EIF2S2: variants seen among roughly 807,000 people sequenced by gnomAD.
EIF2S2 encodes eukaryotic translation initiation factor 2 subunit 2.
Under a neutral mutation model 44.0 loss-of-function variants are expected in EIF2S2, and 4 were observed. The ratio of observed to expected loss-of-function variants is 0.09; its 90% CI spans 0.04 to 0.21. The LOEUF (loss-of-function observed/expected upper bound fraction) is 0.21. EIF2S2 is among the 10% of genes least tolerant of loss of function. The pLI, the probability that EIF2S2 is intolerant of heterozygous loss-of-function variation, is 1.00. For missense variants in EIF2S2, 154 were observed against 392.0 expected (o/e 0.39, Z 5.13); for synonymous variants, 108 against 128.3 (o/e 0.84, Z 1.07).
chr20:34,093,838 G>T, intron 6 of EIF2S2, 107 bp from the exon 7 acceptor site: 2 of 911,344 alleles, frequency 2.2e-6, no homozygotes, highest in Non-Finnish European at 3.3e-6. Context: ...GCTATTAAGT[G>T]AATTTCACTG....
At position 34,090,695 on chromosome 20, in the gene EIF2S2, A is replaced by G. The variant is rs191085021; in HGVS notation, c.741-93T>C. On this transcript the variant is annotated intron_variant, in intron 7 of 8. Coordinates refer to ENST00000374980, the MANE Select transcript of EIF2S2 (RefSeq NM_003908.5). ...TTTAAACTTAATGAACTTAAAATAT[A>G]TTCAGTAGCATAGGATAAACTCTAG... 1.4e-4 allele frequency: 93 copies of G among 678,966 alleles called. No homozygotes were observed. The African/African-American group carries it at 1.6e-3, about 12-fold the overall frequency. The allele number at this position is 678,966 out of a possible 1,614,324, so 42.1% of individuals were successfully genotyped here.
At chr20:34,091,288 G>T (rs750319470) in intron 7 of EIF2S2, among the ~76,000 whole-genome samples, 1 of 152,158 alleles carries the variant, frequency 6.6e-6, no homozygotes, top group African/African-American at 2.4e-5. Flanking sequence ...CAGGAAAGGG[G>T]CTACGTTTGT....
At chr20:34,097,779 A>T (rs2034247625) in intron 4 of EIF2S2, among the ~76,000 whole-genome samples, 1 of 152,086 alleles carries the variant, frequency 6.6e-6, no homozygotes, top group African/African-American at 2.4e-5. Flanking sequence ...TAATTTAACA[A>T]ATCAAAGATA....
intron 2 of EIF2S2, among the ~76,000 whole-genome samples, chr20:34,104,909 T>C (rs982723265): frequency 2.6e-5 from 4 of 152,216 alleles, no homozygotes; most frequent in Non-Finnish European, 4.4e-5. Context: ...ATAGAAACAT[T>C]TCTCTCTAAC....
Position 34,105,418 on chromosome 20 carries a change from G to A in EIF2S2, c.143C>T (p.Pro48Leu). 6.2e-7 allele frequency: 1 copy of A among 1,613,980 alleles called. No homozygotes were observed. Among genetic ancestry groups the A allele is most frequent in the South Asian group, 1.1e-5 (1 of 91,086 alleles). ...PSETKEVEPE[P>L]TEDKDLEADE... ...AGCTTCCAAATCCTTGTCCTCAGTTGGCTCTGGCTCCACTTCTTTTGTTTC... is the reference window on the plus strand; with the variant it reads ...AGCTTCCAAATCCTTGTCCTCAGTTAGCTCTGGCTCCACTTCTTTTGTTTC... Residue 48 changes from proline (P) to leucine (L), a missense_variant, in exon 2 of 9, where the codon CCA (proline) becomes CTA (leucine). Around this residue, in one of 2 missense-constraint regions of EIF2S2, gnomAD observed 134 missense variants for 225.0 expected, o/e 0.60. Transcript: ENST00000374980.
In EIF2S2 at chr20:34,096,663, C is replaced by T; in HGVS notation, c.677G>A (p.Cys226Tyr). 6.3e-7 allele frequency: 1 copy of T among 1,597,880 alleles called. No homozygotes were observed. Among genetic ancestry groups the T allele is most frequent in the Non-Finnish European group, 8.5e-7 (1 of 1,175,248 alleles). ...KTSFVNFTDI[C>Y]KLLHRQPKHL... ...ACTCCATTAACCAACTTACAGTTTA[C>T]AGATATCTGTAAAGTTGACAAAAGA... Residue 226 changes from cysteine (C) to tyrosine (Y), a missense_variant, in exon 6 of 9, where the codon TGT becomes TAT. Cys to Tyr is a radical substitution (Grantham distance 194). This residue lies in a region of EIF2S2 where 20 missense variants were observed against 167.0 expected (regional missense o/e 0.12). Coordinates refer to ENST00000374980, the MANE Select transcript of EIF2S2 (RefSeq NM_003908.5).
Position 34,112,241 on chromosome 20 carries a change from G to C in EIF2S2, c.-131C>G, listed in dbSNP as rs889076719. 2.7e-5 allele frequency: 29 copies of C among 1,055,586 alleles called. No individual in the cohort carries two copies. The African/African-American group carries it at 4.1e-4, about 15-fold the overall frequency. 65.4% of individuals were successfully genotyped at this position (1,055,586 alleles called of 1,614,324 possible). A position where few individuals can be genotyped will look rare whatever the true frequency, so the allele number is the denominator to read the frequency against. On this transcript the variant is annotated 5_prime_UTR_variant, in exon 1 of 9. Coordinates refer to ENST00000374980, the MANE Select transcript of EIF2S2 (RefSeq NM_003908.5). Reference sequence around the variant, plus strand: ...GGCTCTTGCATCAGCGAAAGGAAACGACACCCCGCCCTCTCCTCCAAGCGT... The same window carrying C: ...GGCTCTTGCATCAGCGAAAGGAAACCACACCCCGCCCTCTCCTCCAAGCGT...
intron 4 of EIF2S2, among the ~76,000 whole-genome samples, chr20:34,098,216 A>G (rs1187123888): frequency 5.3e-5 from 8 of 151,614 alleles, no homozygotes; most frequent in Non-Finnish European, 8.8e-5. Context: ...ATTGCACTTC[A>G]GCCTGGGCGA....
intron 5 of EIF2S2, 46 bp downstream of exon 5, chr20:34,097,370 C>T (rs1211761150): frequency 6.8e-7 from 1 of 1,467,368 alleles, no homozygotes; most frequent in East Asian, 2.3e-5. Flanking sequence ...CTTCTTTGAG[C>T]ACTAGTGAAT....
intron 6 of EIF2S2, among the ~76,000 whole-genome samples, chr20:34,094,221 A>G (rs745954688): frequency 1.3e-5 from 2 of 152,208 alleles, no homozygotes; most frequent in South Asian, 4.1e-4. Context: ...CCATAAGACC[A>G]TATTACATTT....
rs2034128161 is a variant in EIF2S2 at position 34,088,959 on chromosome 20, C to A, written c.*771G>T. ...GGAGGAGTTTCCTGAACCGCACACA[C>A]ATCGCTTCCTCACCAAGAGAGATGC... On this transcript the variant is annotated 3_prime_UTR_variant, in exon 9 of 9. Transcript: ENST00000374980. 1 of 152,598 alleles carries A rather than the reference C, an allele frequency of 6.6e-6. No individual in the cohort carries two copies. The highest frequency in any genetic ancestry group is 6.5e-5 in the Admixed American group (1 of 15,280). 9.5% of individuals were successfully genotyped at this position (152,598 alleles called of 1,614,324 possible). A position where few individuals can be genotyped will look rare whatever the true frequency, so the allele number is the denominator to read the frequency against.
chr20:34,098,163 T>C (rs1289321482), intron 4 of EIF2S2, among the ~76,000 whole-genome samples: 4 of 151,980 alleles, frequency 2.6e-5, no homozygotes, highest in Non-Finnish European at 4.4e-5. Context: ...GGAGAATCGC[T>C]TGAACCCGGT....
At chr20:34,089,952 T>C in intron 8 of EIF2S2, 47 bp from the exon 9 acceptor site, 1 of 1,596,662 alleles carries the variant, frequency 6.3e-7, no homozygotes, top group Non-Finnish European at 8.6e-7. Flanking sequence ...TGCAGTGAGG[T>C]AGAGAAGTTT....
rs2034149506 is a variant in EIF2S2, at chr20:34,090,378, C to G, written c.826+139G>C. 7.5e-6 allele frequency: 4 copies of G among 536,184 alleles called. No homozygotes were observed. In the South Asian group the frequency reaches 1.2e-4, roughly 16 times the overall value. 33.2% of individuals were successfully genotyped at this position (536,184 alleles called of 1,614,324 possible). On this transcript the variant is annotated intron_variant, in intron 8 of 8. Coordinates refer to ENST00000374980, the MANE Select transcript of EIF2S2 (RefSeq NM_003908.5). ...CCTAGTTAGTAGGCAAGAGCCACCT[C>G]CCTTTCACTATCATTTTGTCTCTGA...
intron 1 of EIF2S2, among the ~76,000 whole-genome samples, chr20:34,109,982 C>T (rs1479557191): frequency 6.6e-6 from 1 of 150,866 alleles, no homozygotes; most frequent in Non-Finnish European, 1.5e-5. Flanking sequence ...GCCTGTAATC[C>T]CAGCTACTCA....
chr20:34,096,541 T>C, intron 6 of EIF2S2, 116 bp downstream of exon 6: 1 of 1,080,584 alleles, frequency 9.3e-7, no homozygotes, highest in Non-Finnish European at 1.3e-6. Context: ...CCTCAACCCC[T>C]ACACCTGTGT....
intron 6 of EIF2S2, among the ~76,000 whole-genome samples, chr20:34,096,354 A>G (rs1312989316): frequency 2.0e-5 from 3 of 152,104 alleles, no homozygotes; most frequent in Non-Finnish European, 4.4e-5. Flanking sequence ...AGTCTCAGCT[A>G]CTTAGGAGGC....
chr20:34,090,255 G>A (rs145339616), intron 8 of EIF2S2, among the ~76,000 whole-genome samples: 83 of 152,348 alleles, frequency 5.4e-4, no homozygotes, highest in African/African-American at 1.9e-3. Flanking sequence ...CTGAATCACA[G>A]GCAAGTTTCT....
At position 34,089,438 on chromosome 20, in the gene EIF2S2, A is replaced by C. The variant is rs1449228453; in HGVS notation, c.*292T>G. Reference sequence around the variant, plus strand: ...ACTGAAGGACAAACCAAATTGAAAGAATCACTGTTATAATAACTTTAATTT... The same window carrying C: ...ACTGAAGGACAAACCAAATTGAAAGCATCACTGTTATAATAACTTTAATTT... On this transcript the variant is annotated 3_prime_UTR_variant, in exon 9 of 9. Transcript: ENST00000374980. 3 of 318,136 alleles carry C rather than the reference A, an allele frequency of 9.4e-6. No homozygotes were observed. The highest frequency in any genetic ancestry group is 1.7e-5 in the Non-Finnish European group (3 of 176,342). 19.7% of individuals were successfully genotyped at this position (318,136 alleles called of 1,614,324 possible).
Sources: allele counts gnomAD v4.1 joint callset (sites outside exome capture counted in the v4.1 genomes callset), GRCh38; gene constraint gnomAD v4.1.1; regional missense constraint gnomAD v4.1.1; transcripts MANE v1.5; gene names NCBI Gene and HGNC (gene_info 2026-07-23, HGNC 2026-07-21).